ASTN2: variants seen among roughly 807,000 people sequenced by gnomAD.
The protein encoded by ASTN2 is astrotactin-2.
ASTN2 carries 54 observed loss-of-function variants against 139.8 expected under a neutral mutation model. That is an observed-to-expected ratio of 0.39 (90% CI 0.31 to 0.48). The LOEUF (loss-of-function observed/expected upper bound fraction) is 0.48, where lower values mean the gene tolerates loss of function less well. ASTN2 is among the 20% of genes least tolerant of loss of function. The pLI, the probability that ASTN2 is intolerant of heterozygous loss-of-function variation, is 0.95. For missense variants in ASTN2, 1,565 were observed against 1,725.1 expected (o/e 0.91, Z 1.64); for synonymous variants, 756 against 719.5 (o/e 1.05, Z -0.81).
intron 22 of ASTN2, among the ~76,000 whole-genome samples, chr9:116,432,355 A>AT (rs1847524197): frequency 6.6e-6 from 1 of 152,176 alleles, no homozygotes; most frequent in South Asian, 2.1e-4. Flanking sequence ...TAGTGTGCAC[A>AT]TATCTTGGGA....
intron 13 of ASTN2, among the ~76,000 whole-genome samples, chr9:116,735,289 G>T (rs1828897320): frequency 6.6e-6 from 1 of 152,146 alleles, no homozygotes; most frequent in Non-Finnish European, 1.5e-5. Context: ...CTACCTAGAT[G>T]GTTGGTCTTT....
rs191329107 is a variant in ASTN2 at position 117,414,168 on chromosome 9, C to T, written c.442+329G>A. 3.0e-4 allele frequency among the ~76,000 whole-genome samples: 46 copies of T among 152,182 alleles called. No individual in the cohort carries two copies. Among genetic ancestry groups the T allele is most frequent in the African/African-American group, 1.1e-3 (45 of 41,546 alleles). ...TGGCTTAGGATCTGGGATGCTCCGG[C>T]CCCTAGCCAGAGCACCTTCAGTGAA... On this transcript the variant is annotated intron_variant, in intron 1 of 22. Coordinates refer to ENST00000313400, the MANE Select transcript of ASTN2 (RefSeq NM_001365068.1). The surrounding 1 kb of genome is among the most constrained non-coding windows in gnomAD (Gnocchi z 4.2).
chr9:116,772,125 T>A (rs1432535825), intron 13 of ASTN2, among the ~76,000 whole-genome samples: 3 of 152,212 alleles, frequency 2.0e-5, no homozygotes, highest in African/African-American at 7.2e-5. Flanking sequence ...GGAACCCAAT[T>A]AGAGAACTGC....
rs1435138914 is a variant in ASTN2 at position 117,083,203 on chromosome 9, T to C, written c.1276+12841A>G. On this transcript the variant is annotated intron_variant, in intron 5 of 22. Transcript: ENST00000313400. ...GTGGAATTAGATATTCAGTAAACAT[T>C]AGTTGATTATGCAAATAAAAAAAAA... Among the ~76,000 whole-genome samples, 6 of 152,290 alleles carry C rather than the reference T, an allele frequency of 3.9e-5. No homozygotes were observed. The East Asian group carries it at 1.2e-3, about 29-fold the overall frequency.
At chr9:117,198,297 A>G (rs1831578507) in intron 3 of ASTN2, among the ~76,000 whole-genome samples, 1 of 151,968 alleles carries the variant, frequency 6.6e-6, no homozygotes, top group Non-Finnish European at 1.5e-5. Flanking sequence ...TTCTCTTCCT[A>G]TGTAAGTGTG....
intron 2 of ASTN2, among the ~76,000 whole-genome samples, chr9:117,224,625 T>C (rs757188478): frequency 1.3e-5 from 2 of 152,226 alleles, no homozygotes; most frequent in African/African-American, 2.4e-5. Context: ...GAAAGCGTTT[T>C]GGAAGAGATG....
At chr9:116,569,905 A>G (rs1339474781) in intron 19 of ASTN2, among the ~76,000 whole-genome samples, 1 of 152,130 alleles carries the variant, frequency 6.6e-6, no homozygotes, top group African/African-American at 2.4e-5. Flanking sequence ...CTGGTTGGAG[A>G]GTCTAATGTA....
intron 1 of ASTN2, among the ~76,000 whole-genome samples, chr9:117,297,526 G>A (rs938647017): frequency 2.6e-5 from 4 of 152,206 alleles, no homozygotes; most frequent in Admixed American, 1.3e-4. Flanking sequence ...CAGAGAAGAG[G>A]AGACATACTC....
At chr9:117,412,243 G>A (rs2130983605) in intron 1 of ASTN2, among the ~76,000 whole-genome samples, 1 of 152,212 alleles carries the variant, frequency 6.6e-6, no homozygotes, top group Admixed American at 6.5e-5. Flanking sequence ...GGAAAAGGAG[G>A]AGGCAAGAAC....
intron 10 of ASTN2, among the ~76,000 whole-genome samples, chr9:116,920,599 T>C (rs1834577880): frequency 6.6e-6 from 1 of 152,186 alleles, no homozygotes; most frequent in Admixed American, 6.5e-5. Flanking sequence ...CTCTTGACCA[T>C]ACATGCATCA....
intron 1 of ASTN2, among the ~76,000 whole-genome samples, chr9:117,390,337 T>G (rs1271817771): frequency 7.9e-5 from 12 of 152,358 alleles, no homozygotes; most frequent in South Asian, 2.1e-4. Context: ...TGAGCCAATA[T>G]TAACTCACTG....
intron 16 of ASTN2, among the ~76,000 whole-genome samples, chr9:116,709,434 G>A (rs73515252): frequency 0.018 from 2,755 of 152,250 alleles, 86 homozygotes; most frequent in African/African-American, 0.063. Context: ...GCCCATAACT[G>A]GGACATCCCT....
At chr9:117,346,044 A>C (rs2130872203) in intron 1 of ASTN2, among the ~76,000 whole-genome samples, 1 of 151,374 alleles carries the variant, frequency 6.6e-6, no homozygotes, top group African/African-American at 2.4e-5. Context: ...GAAAAATTAT[A>C]CCAGGCATTT....
chr9:117,144,467 C>A (rs1005635134), intron 3 of ASTN2, among the ~76,000 whole-genome samples: 1 of 152,062 alleles, frequency 6.6e-6, no homozygotes, highest in Non-Finnish European at 1.5e-5. Flanking sequence ...CAGCCCAATG[C>A]AAATTCATAA....
chr9:117,143,699 C>T (rs1830126717), intron 3 of ASTN2, among the ~76,000 whole-genome samples: 1 of 152,028 alleles, frequency 6.6e-6, no homozygotes, highest in Non-Finnish European at 1.5e-5. Flanking sequence ...GAAAGTCCAA[C>T]ATCAGGGTGC....
chr9:117,286,719 C>T (rs1293271749), intron 2 of ASTN2, among the ~76,000 whole-genome samples: 12 of 152,218 alleles, frequency 7.9e-5, no homozygotes, highest in Admixed American at 7.8e-4. Context: ...TTTCTCCTAT[C>T]TATAAAATGC....
chr9:117,262,826 G>T (rs1409670101), intron 2 of ASTN2, among the ~76,000 whole-genome samples: 1 of 152,176 alleles, frequency 6.6e-6, no homozygotes, highest in Non-Finnish European at 1.5e-5. Context: ...GAGGGGCGCA[G>T]AAGAGAAGGT....
chr9:116,474,620 T>A (rs1848919946), intron 20 of ASTN2, among the ~76,000 whole-genome samples: 1 of 152,210 alleles, frequency 6.6e-6, no homozygotes, highest in African/African-American at 2.4e-5. Context: ...CCCCTTCATG[T>A]GCAGTGATGG....
chr9:117,100,012 T>G (rs73657636), intron 4 of ASTN2, among the ~76,000 whole-genome samples: 3,057 of 152,322 alleles, frequency 0.02, 105 homozygotes, highest in African/African-American at 0.07. Context: ...CACACACACA[T>G]GCATGCATAT....
Sources: allele counts gnomAD v4.1 joint callset (sites outside exome capture counted in the v4.1 genomes callset), GRCh38; gene constraint gnomAD v4.1.1; non-coding constraint Gnocchi (gnomAD v3.1); transcripts MANE v1.5; gene names NCBI Gene and HGNC (gene_info 2026-07-23, HGNC 2026-07-21).